The following ITPK1 variants were observed in gnomAD, a reference collection of about 807,000 sequenced individuals.
ITPK1 encodes inositol-tetrakisphosphate 1-kinase.
A neutral mutation model predicts 45.3 loss-of-function variants in ITPK1; 21 were observed. The observed-to-expected ratio is 0.46, with a 90% CI of 0.33 to 0.67. The LOEUF (loss-of-function observed/expected upper bound fraction) is 0.67, where lower values mean the gene tolerates loss of function less well. ITPK1 is among the 30% of genes least tolerant of loss of function. The pLI, the probability that ITPK1 is intolerant of heterozygous loss-of-function variation, is 0.02. For missense variants in ITPK1, 474 were observed against 573.5 expected (o/e 0.83, Z 1.77); for synonymous variants, 258 against 253.6 (o/e 1.02, Z -0.16).
intron 5 of ITPK1, among the ~76,000 whole-genome samples, chr14:92,975,473 G>C (rs1885894306): frequency 6.6e-6 from 1 of 152,192 alleles, no homozygotes; most frequent in Admixed American, 6.5e-5. Flanking sequence ...ACCTGCCCTA[G>C]AGCCTAGAAC....
In ITPK1 at chr14:92,953,759, G is replaced by GCTGGGT. The variant is rs1415427584; in HGVS notation, c.671-1752_671-1747dup. 3.3e-5 allele frequency among the ~76,000 whole-genome samples: 5 copies of GCTGGGT among 152,222 alleles called. No individual in the cohort carries two copies. In the East Asian group the frequency reaches 7.7e-4, roughly 23 times the overall value. ...TGAGTGGGTGCCAGGAAGGGCCAGA[G>GCTGGGT]CTGGGTACTCAGAGGGGCCGGCCAG... On this transcript the variant is annotated intron_variant, in intron 8 of 10. Coordinates refer to ENST00000267615, the MANE Select transcript of ITPK1 (RefSeq NM_014216.6).
intron 3 of ITPK1, among the ~76,000 whole-genome samples, chr14:93,059,319 CGGGTCCT>C (rs1890394037): frequency 1.0e-4 from 2 of 19,572 alleles, no homozygotes; most frequent in Non-Finnish European, 8.7e-5. Flanking sequence ...GGAGGGGGTG[CGGGTCCT>C]AAGCAGGGGG....
intron 4 of ITPK1, among the ~76,000 whole-genome samples, chr14:93,007,188 G>T (rs557406388): frequency 3.0e-4 from 46 of 152,272 alleles, no homozygotes; most frequent in Non-Finnish European, 6.5e-4. Context: ...CTCAGCAGCA[G>T]CCCCACGCCC....
At chr14:92,990,660 C>G (rs1024011090) in intron 5 of ITPK1, among the ~76,000 whole-genome samples, 5 of 152,242 alleles carry the variant, frequency 3.3e-5, no homozygotes, top group Admixed American at 6.5e-5. Flanking sequence ...ACAGGCTGCC[C>G]GGAGACAGCG....
intron 2 of ITPK1, among the ~76,000 whole-genome samples, chr14:93,110,597 C>T (rs775984382): frequency 2.0e-5 from 3 of 152,224 alleles, no homozygotes; most frequent in Non-Finnish European, 2.9e-5. Flanking sequence ...ACTGTTGACA[C>T]CAAACTCCCA....
chr14:93,016,598 T>C lies in ITPK1; in HGVS notation c.246+78A>G. Reference sequence around the variant, plus strand: ...TCCAGAGAGCTGCTACCGCCCTAAATACACACACGGCCATTCCAGGGCCTC... The same window carrying C: ...TCCAGAGAGCTGCTACCGCCCTAAACACACACACGGCCATTCCAGGGCCTC... On this transcript the variant is annotated intron_variant, in intron 4 of 10. Coordinates refer to ENST00000267615, the MANE Select transcript of ITPK1 (RefSeq NM_014216.6). The surrounding 1 kb of genome is among the most constrained non-coding windows in gnomAD (Gnocchi z 5.0). The C allele has an allele frequency of 1.3e-6, 2 of 1,526,980 alleles. No individual in the cohort carries two copies. The highest frequency in any genetic ancestry group is 1.8e-6 in the Non-Finnish European group (2 of 1,112,636). The allele number at this position is 1,526,980 out of a possible 1,614,324, so 94.6% of individuals were successfully genotyped here.
At chr14:93,007,539 G>A (rs1887684337) in intron 4 of ITPK1, among the ~76,000 whole-genome samples, 2 of 152,188 alleles carry the variant, frequency 1.3e-5, no homozygotes, top group South Asian at 4.1e-4. Context: ...TCCAGAATCA[G>A]GGCACAGTTT....
chr14:93,044,327 G>A (rs561769878), intron 3 of ITPK1, among the ~76,000 whole-genome samples: 34 of 140,468 alleles, frequency 2.4e-4, no homozygotes, highest in South Asian at 1.9e-3. Context: ...AGTCACCCAC[G>A]TGTAATCTGG....
In ITPK1 at chr14:93,076,983, G is replaced by T. The variant is rs369733336; in HGVS notation, c.96-364C>A. 6.6e-6 allele frequency among the ~76,000 whole-genome samples: 1 copy of T among 151,980 alleles called. No individual in the cohort carries two copies. Among genetic ancestry groups the T allele is most frequent in the Non-Finnish European group, 1.5e-5 (1 of 67,988 alleles). On this transcript the variant is annotated intron_variant, in intron 2 of 10. Coordinates refer to ENST00000267615, the MANE Select transcript of ITPK1 (RefSeq NM_014216.6). This position sits in a 1 kb window ranked among gnomAD's most constrained non-coding sequence, Gnocchi z 4.3. ...ATCCTCACCACCTGCCGTCCCTGCC[G>T]AGCTCAACCCCCATAGGTCCCCATG...
intron 9 of ITPK1, 135 bp downstream of exon 9, chr14:92,951,811 G>C (rs2273391): frequency 0.089 from 60,560 of 683,912 alleles, 3,595 homozygotes; most frequent in East Asian, 0.24. Context: ...CCTGGGGCCT[G>C]TGGCATGGAG....
intron 3 of ITPK1, among the ~76,000 whole-genome samples, chr14:93,062,644 C>T (rs1425247818): frequency 7.0e-6 from 1 of 142,666 alleles, no homozygotes; most frequent in Admixed American, 6.7e-5. Context: ...TCTGGAGGGT[C>T]AGAACATCAT....
chr14:93,088,486 GC>G (rs1246807003), intron 2 of ITPK1, among the ~76,000 whole-genome samples: 1 of 151,882 alleles, frequency 6.6e-6, no homozygotes, highest in Non-Finnish European at 1.5e-5. Flanking sequence ...CACCCAAGTA[GC>G]TGGGACTACA....
chr14:92,994,113 G>A, intron 4 of ITPK1, 116 bp from the exon 5 acceptor site: 1 of 682,578 alleles, frequency 1.5e-6, no homozygotes, highest in Non-Finnish European at 2.7e-6. Flanking sequence ...CCTAGCTTTG[G>A]TGGAGGGTGG....
At chr14:92,954,643 G>T (rs528858660) in intron 8 of ITPK1, among the ~76,000 whole-genome samples, 13 of 152,336 alleles carry the variant, frequency 8.5e-5, no homozygotes, top group African/African-American at 3.1e-4. Context: ...AGGTTTAAAA[G>T]AAGAATAAAT....
At chr14:93,022,606 G>A (rs1392628834) in intron 3 of ITPK1, among the ~76,000 whole-genome samples, 1 of 151,034 alleles carries the variant, frequency 6.6e-6, no homozygotes, top group Non-Finnish European at 1.5e-5. Flanking sequence ...TCTGCCTCCC[G>A]GGTCCAAGTG....
At chr14:93,051,968 ACT>A in intron 3 of ITPK1, among the ~76,000 whole-genome samples, 1 of 152,234 alleles carries the variant, frequency 6.6e-6, no homozygotes, top group Middle Eastern at 3.4e-3. Flanking sequence ...AGCACATTCC[ACT>A]CTGAGGGCAC....
chr14:93,115,621 G>T (rs1033289836), intron 1 of ITPK1, among the ~76,000 whole-genome samples, 151 bp downstream of exon 1: 1 of 147,938 alleles, frequency 6.8e-6, no homozygotes, highest in Admixed American at 6.7e-5. Context: ...GCCCTCAGGC[G>T]GCGGCAGAAG....
At chr14:92,953,445 C>T (rs1219168202) in intron 8 of ITPK1, among the ~76,000 whole-genome samples, 1 of 152,244 alleles carries the variant, frequency 6.6e-6, no homozygotes, top group Non-Finnish European at 1.5e-5. Context: ...CACCGACAGC[C>T]AAGAAGAGGG....
At chr14:93,112,934 C>T (rs1379907272) in intron 2 of ITPK1, among the ~76,000 whole-genome samples, 1 of 152,192 alleles carries the variant, frequency 6.6e-6, no homozygotes, top group African/African-American at 2.4e-5. Context: ...TCACGGGGCT[C>T]CCTGGTCACT....
Sources: gnomAD v4.1 joint callset for allele counts (sites outside exome capture counted in the v4.1 genomes callset) on GRCh38, gnomAD v4.1.1 for gene constraint, Gnocchi (gnomAD v3.1) non-coding constraint, MANE v1.5 for transcripts, NCBI Gene and HGNC (gene_info 2026-07-23, HGNC 2026-07-21) for gene names.